Variants in ZBTB1 observed in about 807,000 individuals in gnomAD.
ZBTB1 encodes the protein zinc finger and BTB domain-containing protein 1.
ZBTB1 carries 13 observed loss-of-function variants against 51.6 expected under a neutral mutation model. The ratio of observed to expected loss-of-function variants is 0.25; its 90% CI spans 0.16 to 0.40. ZBTB1 has a LOEUF of 0.40. Among genes scored for constraint, ZBTB1 ranks in the 10% least tolerant of loss-of-function variants. The pLI is 1.00. For missense variants in ZBTB1, 567 were observed against 856.5 expected, an observed-to-expected ratio of 0.66 and a Z score of 4.22; for synonymous variants, 240 against 282.2, an observed-to-expected ratio of 0.85 and a Z score of 1.50.
Position 64,524,693 on chromosome 14 carries a change from T to C in ZBTB1, c.*1047T>C, listed in dbSNP as rs1429539346. 1 of 984,974 alleles carries C rather than the reference T, an allele frequency of 1.0e-6. No homozygotes were observed. The highest frequency in any genetic ancestry group is 1.2e-6 in the Non-Finnish European group (1 of 829,642). The allele number at this position is 984,974 out of a possible 1,614,324, so 61.0% of individuals were successfully genotyped here. On this transcript the variant is annotated 3_prime_UTR_variant, in exon 2 of 2. Transcript: ENST00000683701. ...GAGTGCACAAAAAAATGTCTTGTGTTTTATACTGTCTAAGATTTGGAGGAA... is the reference window on the plus strand; with the variant it reads ...GAGTGCACAAAAAAATGTCTTGTGTCTTATACTGTCTAAGATTTGGAGGAA...
At chr14:64,530,131 C>G (rs946471162) in intron 2 of ZBTB1, among the ~76,000 whole-genome samples, 6 of 152,136 alleles carry the variant, frequency 3.9e-5, no homozygotes, top group Admixed American at 3.9e-4. Flanking sequence ...CGTCTATTAC[C>G]TTATTTCTAT....
exon 3 of ZBTB1, chr14:64,532,162 T>C (rs45523434): frequency 0.018 from 7,113 of 387,368 alleles, 96 homozygotes; most frequent in Middle Eastern, 0.031. Flanking sequence ...AGAAAATTCA[T>C]ACAACATCAG....
chr14:64,511,106 T>A (rs2079720066), intron 1 of ZBTB1: 1 of 152,174 alleles, frequency 6.6e-6, no homozygotes, highest in Non-Finnish European at 1.5e-5. Flanking sequence ...TTTAAGTGGG[T>A]TCCAGACAAA....
chr14:64,521,126 G>A (rs1281439607), intron 1 of ZBTB1, among the ~76,000 whole-genome samples: 2 of 152,180 alleles, frequency 1.3e-5, no homozygotes, highest in African/African-American at 4.8e-5. Context: ...GTCTCCCAAA[G>A]TGTTAGGATT....
intron 2 of ZBTB1, among the ~76,000 whole-genome samples, chr14:64,531,244 AT>A (rs1481154672): frequency 1.3e-5 from 2 of 152,198 alleles, no homozygotes; most frequent in Non-Finnish European, 2.9e-5. Flanking sequence ...TGTTTAAAAA[AT>A]TTTAAAAAAA....
chr14:64,529,512 C>T (rs2079927620), downstream of ZBTB1, among the ~76,000 whole-genome samples: 1 of 152,088 alleles, frequency 6.6e-6, no homozygotes, highest in African/African-American at 2.4e-5. Context: ...TAGCTCATAC[C>T]CATAATCCCA....
At chr14:64,505,281 C>G (rs1229250925) in intron 1 of ZBTB1, 1 of 179,764 alleles carries the variant, frequency 5.6e-6, no homozygotes, top group African/African-American at 2.4e-5. Context: ...CGGGAGAACC[C>G]GGTTGATTGA....
intron 1 of ZBTB1, among the ~76,000 whole-genome samples, chr14:64,515,506 G>A (rs1397177514): frequency 2.7e-5 from 4 of 150,110 alleles, no homozygotes; most frequent in Non-Finnish European, 5.9e-5. Flanking sequence ...TTTAATGAAA[G>A]TGAATGCCTC....
downstream of ZBTB1, among the ~76,000 whole-genome samples, chr14:64,526,124 A>AT (rs907763610): frequency 2.0e-5 from 3 of 151,532 alleles, no homozygotes; most frequent in African/African-American, 4.8e-5. Context: ...GGCCACCTCA[A>AT]TTTTTTTTTC....
At chr14:64,519,964 G>A (rs1213572857) in intron 1 of ZBTB1, among the ~76,000 whole-genome samples, 1 of 150,442 alleles carries the variant, frequency 6.6e-6, no homozygotes, top group East Asian at 2.0e-4. Context: ...CTTGTTTGGT[G>A]CCATTTCTAT....
At chr14:64,509,826 A>AC (rs1257364208) in intron 1 of ZBTB1, among the ~76,000 whole-genome samples, 1 of 151,774 alleles carries the variant, frequency 6.6e-6, no homozygotes, top group Non-Finnish European at 1.5e-5. Flanking sequence ...AAAAAAAAAA[A>AC]ATTGGCCGGG....
At position 64,522,776 on chromosome 14, in the gene ZBTB1, G is replaced by C. The variant is rs776630155; in HGVS notation, c.1272G>C (p.Glu424Asp). 7 of 1,614,108 alleles carry C rather than the reference G, an allele frequency of 4.3e-6. No individual in the cohort carries two copies. The highest frequency in any genetic ancestry group is 1.3e-5 in the African/African-American group (1 of 74,946). ...AGGATGCTGAAAATGCATCTTGTGA[G>C]CTGTGTGGACTTACAATAACCGAGG... ...VQEDAENASC[E>D]LCGLTITEED... Residue 424 changes from glutamate to aspartate, a missense_variant, in exon 2 of 2, where the codon GAG becomes GAC. Glu to Asp is a conservative substitution (Grantham distance 45). Transcript: ENST00000683701.
intron 1 of ZBTB1, among the ~76,000 whole-genome samples, chr14:64,509,263 G>A (rs2079698141): frequency 6.6e-6 from 1 of 152,124 alleles, no homozygotes; most frequent in Non-Finnish European, 1.5e-5. Context: ...CCAGCTATTC[G>A]AGAGACTGAG....
chr14:64,530,406 C>T (rs111847967), intron 2 of ZBTB1, among the ~76,000 whole-genome samples: 86 of 152,118 alleles, frequency 5.7e-4, no homozygotes, highest in South Asian at 2.9e-3. Flanking sequence ...GTCAGGAGTT[C>T]GAGACCAGCC....
In ZBTB1 at chr14:64,521,864, T is replaced by C. The variant is rs542550426; in HGVS notation, c.360T>C (p.Asp120=). The C allele has an allele frequency of 3.1e-6, 5 of 1,613,178 alleles. No individual in the cohort carries two copies. The highest frequency in any genetic ancestry group is 1.3e-5 in the African/African-American group (1 of 75,052). ...PDCLEDIQDA[D]CSSSKCSSSA... ...GTTTAGAAGACATCCAGGATGCAGA[T>C]TGTTCTAGTTCAAAATGTTCCTCTT... The change falls in exon 2 of 2, where the codon GAT becomes GAC. Residue 120 remains aspartate (D), a synonymous_variant. Transcript: ENST00000683701.
At chr14:64,520,168 A>AT (rs1014048003) in intron 1 of ZBTB1, among the ~76,000 whole-genome samples, 12 of 151,610 alleles carry the variant, frequency 7.9e-5, no homozygotes, top group African/African-American at 2.9e-4. Context: ...CGCCTGGCTA[A>AT]TTTTTTTTGT....
intron 1 of ZBTB1, among the ~76,000 whole-genome samples, chr14:64,508,370 A>C (rs2079688913): frequency 1.3e-5 from 2 of 152,166 alleles, no homozygotes. Flanking sequence ...TCTGGTGGAC[A>C]GTGGGGAGTT....
intron 1 of ZBTB1, among the ~76,000 whole-genome samples, chr14:64,510,631 A>G (rs1007085157): frequency 6.6e-6 from 1 of 152,188 alleles, no homozygotes; most frequent in Non-Finnish European, 1.5e-5. Flanking sequence ...GAAGGTGGTG[A>G]TGAGCAGTTT....
intron 2 of ZBTB1, among the ~76,000 whole-genome samples, chr14:64,531,399 G>A (rs1208262347): frequency 1.3e-5 from 2 of 151,690 alleles, no homozygotes; most frequent in Admixed American, 6.6e-5. Flanking sequence ...GTGTGTGTGC[G>A]TGTATGCTTC....
Sources: allele counts gnomAD v4.1 joint callset (sites outside exome capture counted in the v4.1 genomes callset), GRCh38; gene constraint gnomAD v4.1.1; transcripts MANE v1.5; gene names NCBI Gene and HGNC (gene_info 2026-07-23, HGNC 2026-07-21).